NHEJ1: variants seen among roughly 807,000 people sequenced by gnomAD.
NHEJ1 encodes non-homologous end-joining factor 1.
A neutral mutation model predicts 39.4 loss-of-function variants in NHEJ1; 22 were observed. That is an observed-to-expected ratio of 0.56 (90% CI 0.40 to 0.80). The LOEUF is 0.80. Ranked by LOEUF, NHEJ1 falls within the 30% of genes least tolerant of loss-of-function variation. The probability of loss-of-function intolerance (pLI) is 0.00; values close to 1 mark genes in which losing one functional copy is unlikely to be tolerated. For missense variants in NHEJ1, 329 were observed against 357.1 expected, an observed-to-expected ratio of 0.92 and a Z score of 0.63; for synonymous variants, 154 against 135.6, an observed-to-expected ratio of 1.14 and a Z score of -0.94.
intron 5 of NHEJ1, among the ~76,000 whole-genome samples, chr2:219,107,253 C>T (rs1246917495): frequency 6.6e-6 from 1 of 152,184 alleles, no homozygotes; most frequent in Non-Finnish European, 1.5e-5. Context: ...GGAGGGCTTC[C>T]CAGCAGAAGT....
At chr2:219,117,012 GC>G (rs1048529111) in intron 5 of NHEJ1, among the ~76,000 whole-genome samples, 4 of 152,050 alleles carry the variant, frequency 2.6e-5, no homozygotes, top group Non-Finnish European at 4.4e-5. Flanking sequence ...AAGAGGAGAG[GC>G]CTCTCTTCCC....
intron 5 of NHEJ1, among the ~76,000 whole-genome samples, chr2:219,097,105 T>C (rs1480454404): frequency 2.0e-5 from 3 of 152,234 alleles, no homozygotes; most frequent in Non-Finnish European, 4.4e-5. Context: ...TAGATGATTC[T>C]GCCCAACAGA....
At position 219,076,042 on chromosome 2, in the gene NHEJ1, G is replaced by A. The variant is rs1949009935; in HGVS notation, c.*339C>T. ...TCTGAGGAGTATCTGGGGCTGGCTG[G>A]CTAGAGACGCTAGGGAAAGGTAGAC... On this transcript the variant is annotated 3_prime_UTR_variant, in exon 8 of 8. Transcript: ENST00000356853. 1 of 479,850 alleles carries A rather than the reference G, an allele frequency of 2.1e-6. No individual in the cohort carries two copies. The allele number at this position is 479,850 out of a possible 1,614,324, so 29.7% of individuals were successfully genotyped here. A position where few individuals can be genotyped will look rare whatever the true frequency, so the allele number is the denominator to read the frequency against.
intron 5 of NHEJ1, among the ~76,000 whole-genome samples, chr2:219,085,404 G>A (rs1949102619): frequency 6.6e-6 from 1 of 152,162 alleles, no homozygotes; most frequent in African/African-American, 2.4e-5. Flanking sequence ...AGAAACCTTG[G>A]TGATCTGGGA....
intron 1 of NHEJ1, chr2:219,158,727 A>G (rs1007160938): frequency 2.2e-5 from 7 of 315,776 alleles, no homozygotes; most frequent in African/African-American, 4.3e-5. Flanking sequence ...TCACATTCCT[A>G]ATAAATATGT....
intron 5 of NHEJ1, among the ~76,000 whole-genome samples, chr2:219,106,265 A>T (rs1949312768): frequency 6.6e-6 from 1 of 152,118 alleles, no homozygotes; most frequent in Admixed American, 6.5e-5. Context: ...TGTAGAGATA[A>T]GTTTGAAGAA....
intron 5 of NHEJ1, among the ~76,000 whole-genome samples, chr2:219,132,311 G>A (rs1309371161): frequency 6.6e-6 from 1 of 152,102 alleles, no homozygotes; most frequent in African/African-American, 2.4e-5. Flanking sequence ...AATTTAGGGG[G>A]GGATACTCTG....
rs1006330668 is a variant in NHEJ1 at position 219,070,241 on chromosome 2, C to T, written c.*6140G>A. Among the ~76,000 whole-genome samples, 1 of 152,102 alleles carries T rather than the reference C, an allele frequency of 6.6e-6. No individual in the cohort carries two copies. Among genetic ancestry groups the T allele is most frequent in the Admixed American group, 6.6e-5 (1 of 15,254 alleles). On this transcript the variant is annotated 3_prime_UTR_variant, in exon 8 of 8. Transcript: ENST00000356853. ...TTGCTCTGTCGCCCAGGGTGGAGTG[C>T]AGTGGCACGATCTCAGCTCACTGCA...
Position 219,111,915 on chromosome 2 carries a change from G to GA in NHEJ1, c.589-33710dup, listed in dbSNP as rs1949369631. On this transcript the variant is annotated intron_variant, in intron 5 of 7. Transcript: ENST00000356853. This position sits in a 1 kb window ranked among gnomAD's most constrained non-coding sequence, Gnocchi z 4.1. ...GGCCATGCTTTAGGGGTGGGGGGATGAATGAGAGGGGCAGGAGACATTTTA... is the reference window on the plus strand; with the variant it reads ...GGCCATGCTTTAGGGGTGGGGGGATGAAATGAGAGGGGCAGGAGACATTTTA... 6.6e-6 allele frequency among the ~76,000 whole-genome samples: 1 copy of GA among 152,136 alleles called. No individual in the cohort carries two copies. Among genetic ancestry groups the GA allele is most frequent in the Admixed American group, 6.5e-5 (1 of 15,278 alleles).
Position 219,111,662 on chromosome 2 carries a change from C to CAG in NHEJ1, c.589-33458_589-33457dup, listed in dbSNP as rs112679676. On this transcript the variant is annotated intron_variant, in intron 5 of 7. Transcript: ENST00000356853. The surrounding 1 kb of genome is among the most constrained non-coding windows in gnomAD (Gnocchi z 4.1). Reference sequence around the variant, plus strand: ...ACACACACACACACACACACACACACAGAGAGATACATACAGTCAGTGGGA... The same window carrying CAG: ...ACACACACACACACACACACACACACAGAGAGAGATACATACAGTCAGTGGGA... Among the ~76,000 whole-genome samples the CAG allele has an allele frequency of 5.7e-4, 85 of 149,072 alleles. No homozygotes were observed. The highest frequency in any genetic ancestry group is 1.3e-3 in the African/African-American group (53 of 40,358).
chr2:219,154,107 T>C (rs369231727), intron 3 of NHEJ1, among the ~76,000 whole-genome samples: 9 of 152,278 alleles, frequency 5.9e-5, no homozygotes, highest in African/African-American at 1.9e-4. Context: ...TATGTTGCAA[T>C]TAAAAAACAC....
chr2:219,114,078 C>T (rs1207637741), intron 5 of NHEJ1, among the ~76,000 whole-genome samples: 1 of 152,190 alleles, frequency 6.6e-6, no homozygotes, highest in Non-Finnish European at 1.5e-5. Context: ...GAGAAGTTCA[C>T]GGCTTTGAGC....
chr2:219,141,147 A>G (rs1949687294), intron 5 of NHEJ1, among the ~76,000 whole-genome samples: 2 of 152,238 alleles, frequency 1.3e-5, no homozygotes, highest in Admixed American at 6.5e-5. Flanking sequence ...TGGGAGGCCA[A>G]GGCAGGTGGA....
chr2:219,084,005 T>C (rs1949089944), intron 5 of NHEJ1, among the ~76,000 whole-genome samples: 1 of 147,360 alleles, frequency 6.8e-6, no homozygotes, highest in Non-Finnish European at 1.5e-5. Context: ...TTTCTTTCTT[T>C]GCTTTTTTTT....
At chr2:219,157,149 T>C (rs1237959290) in intron 3 of NHEJ1, among the ~76,000 whole-genome samples, 1 of 152,226 alleles carries the variant, frequency 6.6e-6, no homozygotes, top group East Asian at 1.9e-4. Flanking sequence ...TAATTTCCTG[T>C]TTGTCTGTCT....
At chr2:219,125,735 T>C (rs1411635144) in intron 5 of NHEJ1, 5 of 152,284 alleles carry the variant, frequency 3.3e-5, no homozygotes, top group Non-Finnish European at 7.3e-5. Context: ...ATTTTTAACT[T>C]GGCCTTGTGG....
rs1000120795 is a variant in NHEJ1, at chr2:219,072,736, C to A, written c.*3645G>T. Among the ~76,000 whole-genome samples, 1 of 149,578 alleles carries A rather than the reference C, an allele frequency of 6.7e-6. No homozygotes were observed. On this transcript the variant is annotated 3_prime_UTR_variant, in exon 8 of 8. Coordinates refer to ENST00000356853, the MANE Select transcript of NHEJ1 (RefSeq NM_024782.3). Reference sequence around the variant, plus strand: ...AGCAGAACAGACAAAGTGAGCTTACCATATCATGAGGAAGGGCTATTAAGA... The same window carrying A: ...AGCAGAACAGACAAAGTGAGCTTACAATATCATGAGGAAGGGCTATTAAGA...
rs139473390 is a variant in NHEJ1 at position 219,072,233 on chromosome 2, C to T, written c.*4148G>A. On this transcript the variant is annotated 3_prime_UTR_variant, in exon 8 of 8. Transcript: ENST00000356853. ...ATGAGCTGCCCTGGACAAGAGCACCCTGTAGCAGCTTCCAGGGCATCAATG... is the reference window on the plus strand; with the variant it reads ...ATGAGCTGCCCTGGACAAGAGCACCTTGTAGCAGCTTCCAGGGCATCAATG... Among the ~76,000 whole-genome samples, 2 of 152,308 alleles carry T rather than the reference C, an allele frequency of 1.3e-5. No homozygotes were observed. The highest frequency in any genetic ancestry group is 2.4e-5 in the African/African-American group (1 of 41,570).
At chr2:219,105,819 C>T (rs1318788803) in intron 5 of NHEJ1, among the ~76,000 whole-genome samples, 1 of 152,190 alleles carries the variant, frequency 6.6e-6, no homozygotes, top group African/African-American at 2.4e-5. Flanking sequence ...TATTCATTTT[C>T]CCATGGTACG....
Sources: gnomAD v4.1 joint callset for allele counts (sites outside exome capture counted in the v4.1 genomes callset) on GRCh38, gnomAD v4.1.1 for gene constraint, Gnocchi (gnomAD v3.1) non-coding constraint, MANE v1.5 for transcripts, NCBI Gene and HGNC (gene_info 2026-07-23, HGNC 2026-07-21) for gene names.